Variants in SORCS3 observed in about 807,000 individuals in gnomAD.
SORCS3 encodes sortilin related VPS10 domain containing receptor 3.
A neutral mutation model predicts 146.3 loss-of-function variants in SORCS3; 57 were observed. The ratio of observed to expected loss-of-function variants is 0.39; its 90% CI spans 0.31 to 0.49. SORCS3 has a LOEUF of 0.49. Among genes scored for constraint, SORCS3 ranks in the 20% least tolerant of loss-of-function variants. The pLI is 0.92. For synonymous variants in SORCS3, 653 were observed against 618.5 expected, an observed-to-expected ratio of 1.06 and a Z score of -0.83; for missense variants, 1,341 against 1,575.5, an observed-to-expected ratio of 0.85 and a Z score of 2.52.
At chr10:104,777,900 T>C (rs1305942204) in intron 1 of SORCS3, among the ~76,000 whole-genome samples, 1 of 152,074 alleles carries the variant, frequency 6.6e-6, no homozygotes, top group Non-Finnish European at 1.5e-5. Context: ...AAAGTATCAA[T>C]TTTTACTGGG....
intron 1 of SORCS3, among the ~76,000 whole-genome samples, chr10:104,810,443 A>G (rs1283983467): frequency 2.0e-5 from 3 of 152,220 alleles, no homozygotes; most frequent in Non-Finnish European, 4.4e-5. Flanking sequence ...TGCATTTTAC[A>G]CTTAACATTA....
chr10:104,964,503 T>G (rs1425619788), intron 3 of SORCS3, among the ~76,000 whole-genome samples: 2 of 152,208 alleles, frequency 1.3e-5, no homozygotes, highest in Admixed American at 6.5e-5. Flanking sequence ...CAACAGAATG[T>G]AAGCTCTATG....
intron 5 of SORCS3, among the ~76,000 whole-genome samples, chr10:105,075,419 A>G (rs1755516200): frequency 1.3e-5 from 2 of 152,152 alleles, no homozygotes. Context: ...GCTCCTATGC[A>G]TTGATCCCAG....
intron 3 of SORCS3, among the ~76,000 whole-genome samples, chr10:104,924,802 A>G (rs2019122869): frequency 6.6e-6 from 1 of 152,210 alleles, no homozygotes; most frequent in Admixed American, 6.5e-5. Context: ...CATAACTAGC[A>G]TGTTAGATAT....
chr10:104,851,644 C>T (rs1044377566), intron 2 of SORCS3, among the ~76,000 whole-genome samples: 1 of 152,074 alleles, frequency 6.6e-6, no homozygotes, highest in African/African-American at 2.4e-5. Flanking sequence ...TAGGTGGGCC[C>T]TTGGAATGTG....
At chr10:105,173,260 C>T (rs749123910) in intron 13 of SORCS3, among the ~76,000 whole-genome samples, 12 of 152,004 alleles carry the variant, frequency 7.9e-5, no homozygotes, top group Non-Finnish European at 1.2e-4. Flanking sequence ...TGCAGTGAGC[C>T]GAGATCGACT....
chr10:104,944,278 G>A (rs898147659), intron 3 of SORCS3, among the ~76,000 whole-genome samples: 1 of 152,056 alleles, frequency 6.6e-6, no homozygotes, highest in Non-Finnish European at 1.5e-5. Context: ...AAAAGCATAA[G>A]ATATTATCTT....
intron 2 of SORCS3, among the ~76,000 whole-genome samples, chr10:104,851,524 A>T (rs2018274144): frequency 6.6e-6 from 1 of 152,196 alleles, no homozygotes; most frequent in Non-Finnish European, 1.5e-5. Flanking sequence ...AGTGAATAGG[A>T]TCAGACAGTC....
intron 20 of SORCS3, among the ~76,000 whole-genome samples, chr10:105,243,965 G>C (rs1211044962): frequency 1.3e-5 from 2 of 152,118 alleles, no homozygotes; most frequent in Non-Finnish European, 2.9e-5. Flanking sequence ...GTGAAGGACT[G>C]TCCTGCCCCT....
chr10:104,672,157 G>C (rs1336823601), intron 1 of SORCS3, among the ~76,000 whole-genome samples: 1 of 152,046 alleles, frequency 6.6e-6, no homozygotes, highest in Non-Finnish European at 1.5e-5. Flanking sequence ...ACTGTTATAG[G>C]TCTATTCTGA....
rs1463975853 is a variant in SORCS3 at position 104,819,519 on chromosome 10, T to C, written c.628-23273T>C. 2.6e-5 allele frequency among the ~76,000 whole-genome samples: 4 copies of C among 152,324 alleles called. No individual in the cohort carries two copies. The East Asian group carries it at 7.7e-4, about 29-fold the overall frequency. ...CCCGATAAATCCTTTGCACATTTCATGTGCCAGGTAAATGCTTGCTGGTTC... is the reference window on the plus strand; with the variant it reads ...CCCGATAAATCCTTTGCACATTTCACGTGCCAGGTAAATGCTTGCTGGTTC... On this transcript the variant is annotated intron_variant, in intron 1 of 26. Transcript: ENST00000369701.
chr10:104,964,649 C>T (rs982896463), intron 3 of SORCS3, among the ~76,000 whole-genome samples: 1 of 152,032 alleles, frequency 6.6e-6, no homozygotes, highest in Non-Finnish European at 1.5e-5. Context: ...TTAAAGTGTT[C>T]ATTAGCCTGT....
chr10:104,830,505 C>T (rs1467448312), intron 1 of SORCS3, among the ~76,000 whole-genome samples: 1 of 152,160 alleles, frequency 6.6e-6, no homozygotes, highest in African/African-American at 2.4e-5. Flanking sequence ...GACCCATCCC[C>T]ATTGCTTCCA....
chr10:105,253,930 A>C (rs2056915544), intron 23 of SORCS3, among the ~76,000 whole-genome samples: 1 of 152,210 alleles, frequency 6.6e-6, no homozygotes, highest in African/African-American at 2.4e-5. Context: ...TGTGTGAACT[A>C]TATTTGGAAG....
chr10:104,866,300 T>A (rs2018458320), intron 2 of SORCS3, among the ~76,000 whole-genome samples: 1 of 152,188 alleles, frequency 6.6e-6, no homozygotes, highest in African/African-American at 2.4e-5. Context: ...TGTAAAGAGA[T>A]ATGCATTTCT....
chr10:105,220,036 A>T (rs551383490), intron 19 of SORCS3, among the ~76,000 whole-genome samples: 1 of 152,310 alleles, frequency 6.6e-6, no homozygotes, highest in South Asian at 2.1e-4. Context: ...TAACAAAAGT[A>T]GTTGTTAGCT....
rs41309990 is a variant in SORCS3 at position 105,139,351 on chromosome 10, G to C, written c.1213-46G>C. The stretch of plus-strand genomic sequence containing the variant: ...AGCTAATACTTTCCAACTTGTGCAT[G>C]ATCTGTGGCCTCATCTGATCTCTTT... On this transcript the variant is annotated intron_variant, in intron 7 of 26. Transcript: ENST00000369701. 6,352 of 1,408,684 alleles carry C rather than the reference G, an allele frequency of 4.5e-3. 39 individuals carry two copies. Among genetic ancestry groups the C allele is most frequent in the African/African-American group, 0.024 (1,735 of 70,962 alleles). The allele number at this position is 1,408,684 out of a possible 1,614,324, so 87.3% of individuals were successfully genotyped here.
intron 3 of SORCS3, among the ~76,000 whole-genome samples, chr10:104,959,452 G>A (rs2054779141): frequency 6.6e-6 from 1 of 152,126 alleles, no homozygotes; most frequent in South Asian, 2.1e-4. Context: ...GAAAGCACTA[G>A]TTATGAACAA....
intron 4 of SORCS3, among the ~76,000 whole-genome samples, chr10:105,033,621 A>G (rs549517866): frequency 1.3e-5 from 2 of 152,288 alleles, no homozygotes; most frequent in South Asian, 2.1e-4. Context: ...GAGTAGGTTG[A>G]TGTTTGGATG....
Sources: allele counts gnomAD v4.1 joint callset (sites outside exome capture counted in the v4.1 genomes callset), GRCh38; gene constraint gnomAD v4.1.1; transcripts MANE v1.5; gene names NCBI Gene and HGNC (gene_info 2026-07-23, HGNC 2026-07-21).